The following CCT7 variants were observed in gnomAD, a reference collection of about 807,000 sequenced individuals.
CCT7 encodes the protein chaperonin containing TCP1 subunit 7.
Under a neutral mutation model 56.6 loss-of-function variants are expected in CCT7, and 16 were observed. The ratio of observed to expected loss-of-function variants is 0.28; its 90% CI spans 0.19 to 0.43. CCT7 has a LOEUF of 0.43. Among genes scored for constraint, CCT7 ranks in the 20% least tolerant of loss-of-function variants. CCT7 has a pLI of 1.00. For missense variants in CCT7, 519 were observed against 685.6 expected, an observed-to-expected ratio of 0.76 and a Z score of 2.71; for synonymous variants, 262 against 254.8, an observed-to-expected ratio of 1.03 and a Z score of -0.27.
intron 6 of CCT7, among the ~76,000 whole-genome samples, chr2:73,246,669 A>T (rs1267798176): frequency 6.7e-6 from 1 of 149,772 alleles, no homozygotes; most frequent in Admixed American, 6.6e-5. Context: ...TCTCTTCTTC[A>T]CTGGCTGGTT....
rs777100587 is a variant in CCT7, at chr2:73,239,620, C to T, written c.7-23C>T. The stretch of plus-strand genomic sequence containing the variant: ...CATTATAATAGATGATTATTAAAAG[C>T]AGTTAATTTCTTTCTTTTCTAGCCC... On this transcript the variant is annotated intron_variant, in intron 1 of 11. Coordinates refer to ENST00000258091, the MANE Select transcript of CCT7 (RefSeq NM_006429.4). 4 of 1,608,044 alleles carry T rather than the reference C, an allele frequency of 2.5e-6. No individual in the cohort carries two copies. The African/African-American group carries it at 5.4e-5, about 22-fold the overall frequency.
In CCT7 at chr2:73,244,635, G is replaced by C. The variant is rs1396323566; in HGVS notation, c.538G>C (p.Val180Leu). The C allele has an allele frequency of 1.2e-6, 2 of 1,613,904 alleles. No individual in the cohort carries two copies. Among genetic ancestry groups the C allele is most frequent in the Middle Eastern group, 1.6e-4 (1 of 6,062 alleles). ...GAAAGCTTTCTTTGCTAAGATGGTGGTGGATGCAGTGATGATGCTCGATGA... is the reference window on the plus strand; with the variant it reads ...GAAAGCTTTCTTTGCTAAGATGGTGCTGGATGCAGTGATGATGCTCGATGA... The part of the protein sequence containing the change: ...QQKAFFAKMV[V>L]DAVMMLDDLL... Residue 180 changes from valine to leucine, a missense_variant, in exon 6 of 12, where the codon GTG becomes CTG. By Grantham distance (32) the Val-to-Leu change is conservative. This residue lies in a region of CCT7 where 276 missense variants were observed against 357.3 expected (regional missense o/e 0.77). Transcript: ENST00000258091.
At chr2:73,244,789 G>A (rs763603489) in intron 6 of CCT7, 74 bp downstream of exon 6, 139 of 1,187,232 alleles carry the variant, frequency 1.2e-4, no homozygotes, top group Non-Finnish European at 1.6e-4. Context: ...TATGGCAGAG[G>A]GGTACTCATT....
At chr2:73,236,629 G>A (rs1240482569) in intron 1 of CCT7, among the ~76,000 whole-genome samples, 1 of 152,152 alleles carries the variant, frequency 6.6e-6, no homozygotes, top group African/African-American at 2.4e-5. Context: ...GTGAGCCACC[G>A]CACCCGACCT....
At position 73,249,190 on chromosome 2, in the gene CCT7, T is replaced by C; in HGVS notation, c.972+11T>C. ...AAGAGGACAATGATGGTAACCAGAT[T>C]TTCACAGGCTGCTTCTCGGCCTTTG... On this transcript the variant is annotated intron_variant, in intron 8 of 11. Coordinates refer to ENST00000258091, the MANE Select transcript of CCT7 (RefSeq NM_006429.4). 3 of 1,588,600 alleles carry C rather than the reference T, an allele frequency of 1.9e-6. No homozygotes were observed. Among genetic ancestry groups the C allele is most frequent in the Non-Finnish European group, 2.6e-6 (3 of 1,162,284 alleles).
intron 3 of CCT7, among the ~76,000 whole-genome samples, chr2:73,241,101 G>A (rs1687092908): frequency 6.8e-6 from 1 of 147,646 alleles, no homozygotes; most frequent in Non-Finnish European, 1.5e-5. Flanking sequence ...CCATGTTTAA[G>A]TGTATAATTC....
At chr2:73,235,476 A>G in intron 1 of CCT7, 42 of 881,152 alleles carry the variant, frequency 4.8e-5, no homozygotes, top group Non-Finnish European at 5.7e-5. Flanking sequence ...CAAATGCCCT[A>G]TGAATCCCGC....
At position 73,252,752 on chromosome 2, in the gene CCT7, A is replaced by C. The variant is rs1202359636; in HGVS notation, c.1523A>C (p.Glu508Ala). The C allele has an allele frequency of 2.0e-5, 32 of 1,614,002 alleles. No homozygotes were observed. The highest frequency in any genetic ancestry group is 2.7e-5 in the Non-Finnish European group (32 of 1,180,014). ...ATCAATGCGCTGACAGCAGCCTCTG[A>C]GGCTGCGTGCCTGATCGTGTCTGTA... Reference protein sequence around the residue: ...VRINALTAASEAACLIVSVDE... With the variant: ...VRINALTAASAAACLIVSVDE... Residue 508 changes from glutamate to alanine, a missense_variant, in exon 12 of 12, where the codon GAG (glutamate) becomes GCG (alanine). Around this residue, in one of 3 missense-constraint regions of CCT7, gnomAD observed 237 missense variants for 300.8 expected, o/e 0.79. Transcript: ENST00000258091.
chr2:73,243,907 T>G, intron 4 of CCT7, 90 bp from the exon 5 acceptor site: 1 of 1,170,182 alleles, frequency 8.5e-7, no homozygotes, highest in Admixed American at 1.9e-5. Context: ...GATTTGGGAG[T>G]GAACAGACTC....
intron 1 of CCT7, among the ~76,000 whole-genome samples, chr2:73,238,347 A>T (rs935587526): frequency 1.2e-4 from 19 of 152,180 alleles, no homozygotes; most frequent in South Asian, 6.2e-4. Context: ...GCTTTATTCC[A>T]GTCTTCCTCT....
At chr2:73,251,454 G>C (rs767564690) in intron 11 of CCT7, 22 bp downstream of exon 11, 9 of 1,524,404 alleles carry the variant, frequency 5.9e-6, no homozygotes, top group East Asian at 2.3e-5. Flanking sequence ...CTCTCCCCAG[G>C]GTTCAGGGTT....
intron 6 of CCT7, 84 bp downstream of exon 6, chr2:73,244,799 T>A: frequency 9.4e-7 from 1 of 1,066,812 alleles, no homozygotes; most frequent in Non-Finnish European, 1.3e-6. Context: ...GGGTACTCAT[T>A]ACAGGAATAA....
At position 73,239,963 on chromosome 2, in the gene CCT7, C is replaced by T. The variant is rs932396167; in HGVS notation, c.160+167C>T. 4.3e-5 allele frequency: 27 copies of T among 623,766 alleles called. 1 individual carries two copies. The highest frequency in any genetic ancestry group is 3.4e-4 in the South Asian group (16 of 46,514). 38.6% of individuals were successfully genotyped at this position (623,766 alleles called of 1,614,324 possible). A position where few individuals can be genotyped will look rare whatever the true frequency, so the allele number is the denominator to read the frequency against. On this transcript the variant is annotated intron_variant, in intron 2 of 11. Coordinates refer to ENST00000258091, the MANE Select transcript of CCT7 (RefSeq NM_006429.4). ...CTTATATTGTCCTGACTGCTGAGCCCGTGTGGGACTATATGAGAGAACCTA... is the reference window on the plus strand; with the variant it reads ...CTTATATTGTCCTGACTGCTGAGCCTGTGTGGGACTATATGAGAGAACCTA...
chr2:73,242,745 T>G (rs901296291), intron 3 of CCT7, among the ~76,000 whole-genome samples: 1 of 152,240 alleles, frequency 6.6e-6, no homozygotes, highest in East Asian at 1.9e-4. Flanking sequence ...TGAGGACATT[T>G]GATTGTCCAC....
At position 73,251,249 on chromosome 2, in the gene CCT7, C is replaced by T. The variant is rs374260059; in HGVS notation, c.1227C>T (p.Gly409=). 111 of 1,613,944 alleles carry T rather than the reference C, an allele frequency of 6.9e-5. No individual in the cohort carries two copies. Among genetic ancestry groups the T allele is most frequent in the Middle Eastern group, 3.3e-4 (2 of 6,084 alleles). Residue 409 remains glycine (G), a synonymous_variant, in exon 11 of 12, where the codon GGC becomes GGT. Transcript: ENST00000258091. The part of the protein sequence containing the change: ...AIKNDSVVAG[G]GAIEMELSKY... The stretch of plus-strand genomic sequence containing the variant: ...AGAATGATTCAGTGGTGGCTGGTGG[C>T]GGGGCCATTGAGATGGAACTCTCCA...
At chr2:73,239,943 A>G in intron 2 of CCT7, 147 bp downstream of exon 2, 1 of 715,014 alleles carries the variant, frequency 1.4e-6, no homozygotes, top group Non-Finnish European at 2.3e-6. Flanking sequence ...CAATTCTTAT[A>G]TTGTCCTGAC....
rs57359293 is a variant in CCT7, at chr2:73,252,324, G to GATATATATATATATATATATAT, written c.1411-310_1411-289dup. Among the ~76,000 whole-genome samples, 307 of 127,234 alleles carry GATATATATATATATATATATAT rather than the reference G, an allele frequency of 2.4e-3. 2 individuals are homozygous for GATATATATATATATATATATAT. Among genetic ancestry groups the GATATATATATATATATATATAT allele is most frequent in the Middle Eastern group, 4.2e-3 (1 of 236 alleles). The allele number at this position is 127,234 out of a possible 152,430, so 83.5% of individuals were successfully genotyped here. A position where few individuals can be genotyped will look rare whatever the true frequency, so the allele number is the denominator to read the frequency against. ...TGTTTATCTTGAGAACTCATTGTTT[G>GATATATATATATATATATATAT]ATATATATATATATATATATATATA... On this transcript the variant is annotated intron_variant, in intron 11 of 11. Transcript: ENST00000258091.
At chr2:73,242,181 G>A (rs531805516) in intron 3 of CCT7, among the ~76,000 whole-genome samples, 35 of 151,920 alleles carry the variant, frequency 2.3e-4, no homozygotes, top group Non-Finnish European at 4.1e-4. Context: ...TAGCACTTTG[G>A]GAGGCCGAGG....
At chr2:73,249,282 G>A in intron 8 of CCT7, 103 bp downstream of exon 8, 1 of 894,878 alleles carries the variant, frequency 1.1e-6, no homozygotes, top group Non-Finnish European at 1.6e-6. Flanking sequence ...CGTGTGAATT[G>A]AGCCCTGTTT....
Sources: gnomAD v4.1 joint callset for allele counts (sites outside exome capture counted in the v4.1 genomes callset) on GRCh38, gnomAD v4.1.1 for gene constraint, gnomAD v4.1.1 regional missense constraint, MANE v1.5 for transcripts, NCBI Gene and HGNC (gene_info 2026-07-23, HGNC 2026-07-21) for gene names.